HTR1F: variants seen among roughly 807,000 people sequenced by gnomAD.
HTR1F encodes the protein 5-hydroxytryptamine receptor 1F.
A neutral mutation model predicts 24.0 loss-of-function variants in HTR1F; 17 were observed. The observed-to-expected ratio is 0.71, with a 90% confidence interval of 0.48 to 1.06. HTR1F has a LOEUF of 1.06. Among genes scored for constraint, HTR1F ranks in the 50% least tolerant of loss-of-function variants. HTR1F has a pLI of 0.00. For missense variants in HTR1F, 391 were observed against 427.8 expected (o/e 0.91, Z 0.76); for synonymous variants, 186 against 156.8 (o/e 1.19, Z -1.39).
rs1704767473 is a variant in HTR1F at position 87,840,060 on chromosome 3, G to GCCTAA, written c.-43+17937_-43+17938insCTAAC. ...TTCCATGCCTTCACTATTGTGATTA[G>GCCTAA]CACTGTGATGAATAAATGGGTGCAT... On this transcript the variant is annotated intron_variant, in intron 2 of 2. Transcript: ENST00000319595. Among the ~76,000 whole-genome samples the GCCTAA allele has an allele frequency of 2.0e-5, 3 of 152,244 alleles. No individual in the cohort carries two copies. In the South Asian group the frequency reaches 6.2e-4, roughly 32 times the overall value.
chr3:87,802,238 T>G (rs1575885433), intron 1 of HTR1F, among the ~76,000 whole-genome samples: 1 of 73,964 alleles, frequency 1.4e-5, no homozygotes, highest in African/African-American at 1.0e-4. Flanking sequence ...CCTCCCTCCC[T>G]TCCTTCCTTC....
chr3:87,935,780 G>A (rs1704397770), intron 2 of HTR1F, among the ~76,000 whole-genome samples: 1 of 151,964 alleles, frequency 6.6e-6, no homozygotes, highest in Admixed American at 6.6e-5. Flanking sequence ...TGGGCTGCAA[G>A]TGAAATGCTT....
chr3:87,914,831 A>G (rs1039093313), intron 2 of HTR1F, among the ~76,000 whole-genome samples: 5 of 151,986 alleles, frequency 3.3e-5, no homozygotes, highest in African/African-American at 9.7e-5. Flanking sequence ...TTTCCTCCCC[A>G]TACTACCACA....
chr3:87,919,304 A>G (rs750425976), intron 2 of HTR1F, among the ~76,000 whole-genome samples: 2 of 151,980 alleles, frequency 1.3e-5, no homozygotes, highest in Non-Finnish European at 2.9e-5. Context: ...CTTCTAGACA[A>G]TGGCTTAGGC....
intron 1 of HTR1F, among the ~76,000 whole-genome samples, chr3:87,820,109 G>A (rs1393784506): frequency 3.3e-5 from 5 of 151,146 alleles, no homozygotes; most frequent in African/African-American, 7.3e-5. Context: ...AAAACATGAT[G>A]AGCAAAGATA....
intron 2 of HTR1F, among the ~76,000 whole-genome samples, chr3:87,946,792 A>AT (rs1322228599): frequency 2.6e-5 from 4 of 151,836 alleles, no homozygotes; most frequent in Admixed American, 6.6e-5. Flanking sequence ...CGCCCAGCTA[A>AT]TTTTTTGTGT....
intron 2 of HTR1F, among the ~76,000 whole-genome samples, chr3:87,962,286 A>T (rs1705078806): frequency 6.6e-6 from 1 of 152,126 alleles, no homozygotes; most frequent in Non-Finnish European, 1.5e-5. Context: ...ATCTTAATTA[A>T]ATTTTGCATG....
chr3:87,957,927 T>C (rs903652835), intron 2 of HTR1F, among the ~76,000 whole-genome samples: 1 of 151,368 alleles, frequency 6.6e-6, no homozygotes, highest in South Asian at 2.1e-4. Flanking sequence ...ATTTTATTAT[T>C]TTGTTTCTTC....
intron 2 of HTR1F, among the ~76,000 whole-genome samples, chr3:87,842,512 A>G (rs1348442164): frequency 6.6e-6 from 1 of 151,882 alleles, no homozygotes; most frequent in East Asian, 1.9e-4. Flanking sequence ...GAGTTATGAA[A>G]CATCTCACGA....
chr3:87,915,450 A>G (rs1703872479), intron 2 of HTR1F, among the ~76,000 whole-genome samples: 1 of 152,182 alleles, frequency 6.6e-6, no homozygotes, highest in African/African-American at 2.4e-5. Context: ...GGAAACCCAA[A>G]AAAACGATAC....
intron 1 of HTR1F, among the ~76,000 whole-genome samples, chr3:87,803,777 T>C (rs1240858633): frequency 6.6e-6 from 1 of 152,176 alleles, no homozygotes; most frequent in Non-Finnish European, 1.5e-5. Context: ...AATATAGAAC[T>C]ACATATAATT....
intron 2 of HTR1F, among the ~76,000 whole-genome samples, chr3:87,975,000 T>C (rs1310127466): frequency 2.0e-5 from 3 of 152,182 alleles, no homozygotes; most frequent in Non-Finnish European, 4.4e-5. Flanking sequence ...ACCATGTCAC[T>C]TCTGAAATAT....
intron 2 of HTR1F, among the ~76,000 whole-genome samples, chr3:87,892,992 T>TA (rs1238494952): frequency 6.6e-6 from 1 of 152,024 alleles, no homozygotes; most frequent in Admixed American, 6.6e-5. Context: ...TATATATATG[T>TA]AAGTTAAGTA....
At chr3:87,795,124 A>T (rs928096495) in intron 1 of HTR1F, among the ~76,000 whole-genome samples, 5 of 150,198 alleles carry the variant, frequency 3.3e-5, no homozygotes, top group Non-Finnish European at 7.4e-5. Context: ...AGTAGCTGGG[A>T]TTGCAGGCGC....
intron 2 of HTR1F, among the ~76,000 whole-genome samples, chr3:87,978,928 G>GGAAAGAAA (rs1168173112): frequency 4.3e-5 from 3 of 70,360 alleles, no homozygotes; most frequent in Non-Finnish European, 8.0e-5. Flanking sequence ...AAGGAAGGAA[G>GGAAAGAAA]GAAGGAAAAG....
In HTR1F at chr3:87,973,927, A is replaced by G. The variant is rs576297646; in HGVS notation, c.-42-16781A>G. Among the ~76,000 whole-genome samples the G allele has an allele frequency of 1.6e-4, 25 of 152,336 alleles. No individual in the cohort carries two copies. In the East Asian group the frequency reaches 3.9e-3, roughly 23 times the overall value. On this transcript the variant is annotated intron_variant, in intron 2 of 2. Transcript: ENST00000319595. The stretch of plus-strand genomic sequence containing the variant: ...TGGTGTGGGGAAGGGAGCTTAATCA[A>G]TAGTCTAGGCAGGCTGCCTGTTCAC...
intron 2 of HTR1F, among the ~76,000 whole-genome samples, chr3:87,901,631 T>G (rs1336959312): frequency 6.6e-6 from 1 of 152,114 alleles, no homozygotes; most frequent in Non-Finnish European, 1.5e-5. Flanking sequence ...AGAATGAAAT[T>G]AAGCCAACTG....
chr3:87,962,253 G>A (rs1352076553), intron 2 of HTR1F, among the ~76,000 whole-genome samples: 1 of 152,030 alleles, frequency 6.6e-6, no homozygotes, highest in Non-Finnish European at 1.5e-5. Context: ...ATTCAAGGGG[G>A]AAAATGGAAA....
rs548958825 is a variant in HTR1F, at chr3:87,852,854, C to A, written c.-43+30730C>A. On this transcript the variant is annotated intron_variant, in intron 2 of 2. Transcript: ENST00000319595. ...TTAAAACTTATTGTGATTCTAATTG[C>A]AATAAACTTCCCTCAAAAAATCAGA... Among the ~76,000 whole-genome samples the A allele has an allele frequency of 4.4e-4, 67 of 151,620 alleles. 4 individuals carry two copies. The highest frequency in any genetic ancestry group is 1.6e-3 in the African/African-American group (66 of 41,212).
Sources: gnomAD v4.1 joint callset for allele counts (sites outside exome capture counted in the v4.1 genomes callset) on GRCh38, gnomAD v4.1.1 for gene constraint, MANE v1.5 for transcripts, NCBI Gene and HGNC (gene_info 2026-07-23, HGNC 2026-07-21) for gene names.